The following CCSER1 variants were observed in gnomAD, a reference collection of about 807,000 sequenced individuals.
The protein encoded by CCSER1 is serine-rich coiled-coil domain-containing protein 1.
In CCSER1, 41 loss-of-function variants were observed where a neutral mutation model predicts 82.0. That is an observed-to-expected ratio of 0.50 (90% CI 0.39 to 0.65). The LOEUF is 0.65. CCSER1 is among the 30% of genes least tolerant of loss of function. The probability of loss-of-function intolerance (pLI) is 0.00; values close to 1 mark genes in which losing one functional copy is unlikely to be tolerated. For synonymous variants in CCSER1, 414 were observed against 383.9 expected, an observed-to-expected ratio of 1.08 and a Z score of -0.92; for missense variants, 1,119 against 1,064.2, an observed-to-expected ratio of 1.05 and a Z score of -0.72.
intron 7 of CCSER1, among the ~76,000 whole-genome samples, chr4:90,741,426 G>A (rs1194743369): frequency 1.3e-5 from 2 of 152,108 alleles, no homozygotes; most frequent in African/African-American, 4.8e-5. Context: ...AAAAACCTTG[G>A]TGTGAGATAA....
At chr4:91,336,547 C>T (rs1474644907) in intron 10 of CCSER1, among the ~76,000 whole-genome samples, 2 of 152,020 alleles carry the variant, frequency 1.3e-5, no homozygotes, top group African/African-American at 4.8e-5. Context: ...AGATTTCAAA[C>T]TTCCACTTTA....
intron 8 of CCSER1, among the ~76,000 whole-genome samples, chr4:90,840,771 T>TA (rs1561228769): frequency 6.6e-6 from 1 of 152,152 alleles, no homozygotes; most frequent in Non-Finnish European, 1.5e-5. Flanking sequence ...TTTTAATAGT[T>TA]ATAACCTTGT....
chr4:91,102,481 T>C (rs1008226979), intron 10 of CCSER1, among the ~76,000 whole-genome samples: 6 of 152,152 alleles, frequency 3.9e-5, no homozygotes, highest in African/African-American at 1.4e-4. Context: ...TTTTGTAGCT[T>C]TACAGCGGAT....
intron 10 of CCSER1, among the ~76,000 whole-genome samples, chr4:91,480,195 A>G (rs1007841912): frequency 4.6e-5 from 7 of 152,078 alleles, no homozygotes; most frequent in African/African-American, 7.2e-5. Flanking sequence ...TAATGCCGCA[A>G]TGAACATACA....
intron 9 of CCSER1, among the ~76,000 whole-genome samples, chr4:90,949,751 A>G (rs1365719194): frequency 1.3e-5 from 2 of 150,760 alleles, no homozygotes; most frequent in African/African-American, 4.8e-5. Flanking sequence ...TTTACATCTC[A>G]TTTAATAGCC....
At chr4:90,538,649 C>T (rs1296277996) in intron 5 of CCSER1, among the ~76,000 whole-genome samples, 1 of 151,994 alleles carries the variant, frequency 6.6e-6, no homozygotes, top group Non-Finnish European at 1.5e-5. Flanking sequence ...ACGGCTAGCT[C>T]ATTTAAGATA....
chr4:90,778,003 G>A (rs1360264079), intron 7 of CCSER1, among the ~76,000 whole-genome samples: 1 of 151,766 alleles, frequency 6.6e-6, no homozygotes, highest in Admixed American at 6.6e-5. Flanking sequence ...GTTTGTCATA[G>A]TGTTCCTTTT....
chr4:91,157,889 T>G (rs1012932313), intron 10 of CCSER1, among the ~76,000 whole-genome samples: 1 of 152,056 alleles, frequency 6.6e-6, no homozygotes, highest in Non-Finnish European at 1.5e-5. Flanking sequence ...AAAGGAGATC[T>G]CCTAAAGTTG....
chr4:90,271,383 C>T lies in CCSER1; in HGVS notation c.-41-36861C>T, dbSNP rs574926691. Reference sequence around the variant, plus strand: ...TTGATAAAGCTGTGAAGAACATACACTGGGGAAAGGATAGTCTTTTCAATA... The same window carrying T: ...TTGATAAAGCTGTGAAGAACATACATTGGGGAAAGGATAGTCTTTTCAATA... On this transcript the variant is annotated intron_variant, in intron 1 of 10. Transcript: ENST00000509176. 1.5e-4 allele frequency among the ~76,000 whole-genome samples: 23 copies of T among 152,158 alleles called. No individual in the cohort carries two copies. In the South Asian group the frequency reaches 4.8e-3, roughly 32 times the overall value.
chr4:90,172,859 G>A (rs1041896608), intron 1 of CCSER1, among the ~76,000 whole-genome samples: 4 of 151,886 alleles, frequency 2.6e-5, no homozygotes, highest in Non-Finnish European at 5.9e-5. Context: ...TTAGGTAGTG[G>A]TTGGTGTGCA....
intron 3 of CCSER1, among the ~76,000 whole-genome samples, chr4:90,353,479 A>G (rs1743867496): frequency 6.6e-6 from 1 of 152,216 alleles, no homozygotes; most frequent in African/African-American, 2.4e-5. Context: ...GTACAGCTAT[A>G]AACTCTGAAA....
At chr4:90,447,089 A>G (rs906466064) in intron 4 of CCSER1, among the ~76,000 whole-genome samples, 3 of 152,238 alleles carry the variant, frequency 2.0e-5, no homozygotes, top group African/African-American at 7.2e-5. Flanking sequence ...AAAGTTATAC[A>G]TGGATTTTCA....
intron 3 of CCSER1, among the ~76,000 whole-genome samples, chr4:90,363,810 T>G (rs1003423606): frequency 6.6e-6 from 1 of 152,134 alleles, no homozygotes; most frequent in African/African-American, 2.4e-5. Flanking sequence ...AGAGCCTTTC[T>G]GTAGTGGTCT....
At chr4:90,441,503 A>T (rs527728355) in intron 4 of CCSER1, among the ~76,000 whole-genome samples, 1 of 152,052 alleles carries the variant, frequency 6.6e-6, no homozygotes, top group South Asian at 2.1e-4. Context: ...TAATTCCACC[A>T]TAAGAGCCCC....
chr4:91,224,593 C>G (rs1286758416), intron 10 of CCSER1, among the ~76,000 whole-genome samples: 1 of 151,952 alleles, frequency 6.6e-6, no homozygotes, highest in Non-Finnish European at 1.5e-5. Context: ...GTTATTTAAT[C>G]TTATCTATAT....
chr4:90,596,410 T>C (rs1333076431), intron 5 of CCSER1, among the ~76,000 whole-genome samples: 1 of 151,898 alleles, frequency 6.6e-6, no homozygotes, highest in Non-Finnish European at 1.5e-5. Context: ...AATATACTGA[T>C]TTAAAGTATA....
At chr4:90,758,417 A>C (rs1187156193) in intron 7 of CCSER1, among the ~76,000 whole-genome samples, 1 of 152,144 alleles carries the variant, frequency 6.6e-6, no homozygotes, top group Non-Finnish European at 1.5e-5. Context: ...ATATTTGGGG[A>C]AAAATAAAAT....
At position 91,466,388 on chromosome 4, in the gene CCSER1, G is replaced by A. The variant is rs191724949; in HGVS notation, c.2218-132184G>A. The stretch of plus-strand genomic sequence containing the variant: ...AAGAGCTATTTGTGACAAACCCACA[G>A]CCAATATCATATTGAATGGGCAGAA... On this transcript the variant is annotated intron_variant, in intron 10 of 10. Transcript: ENST00000509176. 3.9e-3 allele frequency among the ~76,000 whole-genome samples: 591 copies of A among 152,244 alleles called. 4 individuals are homozygous for A. Among genetic ancestry groups the A allele is most frequent in the South Asian group, 0.019 (91 of 4,828 alleles).
intron 10 of CCSER1, among the ~76,000 whole-genome samples, chr4:91,478,521 T>C (rs1336261679): frequency 6.6e-6 from 1 of 151,900 alleles, no homozygotes; most frequent in South Asian, 2.1e-4. Context: ...CGTAACAGTC[T>C]CAGAGATTCT....
Sources: allele counts gnomAD v4.1 joint callset (sites outside exome capture counted in the v4.1 genomes callset), GRCh38; gene constraint gnomAD v4.1.1; transcripts MANE v1.5; gene names NCBI Gene and HGNC (gene_info 2026-07-23, HGNC 2026-07-21).